Variants in NOX5 observed in about 807,000 individuals in gnomAD.
NOX5 encodes the protein NADPH oxidase, EF-hand calcium binding domain 5.
A neutral mutation model predicts 85.7 loss-of-function variants in NOX5; 76 were observed. The observed-to-expected ratio is 0.89, with a 90% CI of 0.74 to 1.07. The LOEUF (loss-of-function observed/expected upper bound fraction) is 1.07, where lower values mean the gene tolerates loss of function less well. NOX5 is among the 50% of genes least tolerant of loss of function. NOX5 has a pLI of 0.00. For synonymous variants in NOX5, 405 were observed against 401.4 expected, an observed-to-expected ratio of 1.01 and a Z score of -0.11; for missense variants, 973 against 999.5, an observed-to-expected ratio of 0.97 and a Z score of 0.36.
At chr15:69,041,000 G>A (rs184363356) in intron 9 of NOX5, among the ~76,000 whole-genome samples, 3 of 152,290 alleles carry the variant, frequency 2.0e-5, no homozygotes, top group Non-Finnish European at 4.4e-5. Flanking sequence ...AGTTCTTGAA[G>A]GGATTTCTTC....
intron 13 of NOX5, 110 bp downstream of exon 13, chr15:69,048,021 T>C (rs2050697668): frequency 1.1e-5 from 10 of 894,108 alleles, no homozygotes; most frequent in African/African-American, 1.7e-5. Flanking sequence ...TGATCCCTAA[T>C]GGGATCTTTC....
chr15:69,015,797 G>A (rs1295517141), intron 1 of NOX5, among the ~76,000 whole-genome samples: 1 of 151,782 alleles, frequency 6.6e-6, no homozygotes, highest in Non-Finnish European at 1.5e-5. Flanking sequence ...GAATGTCTTT[G>A]GGGGGGCAGT....
chr15:69,022,841 C>T (rs939916744), intron 1 of NOX5: 4 of 318,268 alleles, frequency 1.3e-5, no homozygotes, highest in Non-Finnish European at 2.5e-5. Flanking sequence ...TCATCTTGTT[C>T]CTGGATGAGC....
chr15:69,037,444 G>A (rs2050536780), intron 8 of NOX5: 2 of 533,290 alleles, frequency 3.8e-6, no homozygotes, highest in South Asian at 4.7e-5. Flanking sequence ...ATCCGATTTT[G>A]GGGAGAACAG....
At chr15:69,053,890 G>A (rs996905545) in intron 14 of NOX5, among the ~76,000 whole-genome samples, 1 of 152,138 alleles carries the variant, frequency 6.6e-6, no homozygotes, top group Non-Finnish European at 1.5e-5. Flanking sequence ...CATCCAGCAC[G>A]ACTAGGGGTT....
At chr15:69,016,315 C>T (rs779042051) in intron 1 of NOX5, among the ~76,000 whole-genome samples, 1 of 152,234 alleles carries the variant, frequency 6.6e-6, no homozygotes, top group Non-Finnish European at 1.5e-5. Flanking sequence ...CACCCCCCTC[C>T]TCCACAGTGA....
chr15:69,022,037 GGTTT>G (rs2050301592), intron 1 of NOX5, among the ~76,000 whole-genome samples: 2 of 152,110 alleles, frequency 1.3e-5, no homozygotes, highest in African/African-American at 4.8e-5. Flanking sequence ...GCTTCTTTAG[GGTTT>G]GTTTGGAAGG....
Position 69,056,627 on chromosome 15 carries a change from A to T in NOX5, c.2229A>T (p.Pro743=), listed in dbSNP as rs1374780912. The change falls in exon 16 of 16, where the codon CCA becomes CCT. Residue 743 remains proline (P), a synonymous_variant. Transcript: ENST00000388866. The stretch of plus-strand genomic sequence containing the variant: ...TGCAGGTCTTCTTCTGTGGCTCCCC[A>T]GCTCTGGCCAAGGTGCTGAAGGGCC... ...GKVQVFFCGS[P]ALAKVLKGHC... 6.2e-7 allele frequency: 1 copy of T among 1,613,782 alleles called. No homozygotes were observed. The highest frequency in any genetic ancestry group is 1.3e-5 in the African/African-American group (1 of 75,034).
intron 3 of NOX5, chr15:69,029,537 A>G (rs2050403104): frequency 6.6e-6 from 1 of 152,184 alleles, no homozygotes; most frequent in Non-Finnish European, 1.5e-5. Context: ...GCTGGATGAC[A>G]TGGTAATTCT....
At chr15:69,032,622 G>A (rs553381596) in intron 4 of NOX5, among the ~76,000 whole-genome samples, 2 of 152,140 alleles carry the variant, frequency 1.3e-5, no homozygotes, top group African/African-American at 2.4e-5. Context: ...TCTTGGCCAG[G>A]CTGGTCTCGA....
chr15:69,033,168 A>T lies in NOX5; in HGVS notation c.746A>T (p.His249Leu). 6.3e-7 allele frequency: 1 copy of T among 1,585,578 alleles called. No individual in the cohort carries two copies. Among genetic ancestry groups the T allele is most frequent in the African/African-American group, 1.3e-5 (1 of 74,746 alleles). The change falls in exon 5 of 16, where the codon CAC (histidine) becomes CTC (leucine). Residue 249 changes from histidine (H) to leucine (L), a missense_variant. Physicochemically the swap from His to Leu is moderately conservative, Grantham distance 99. Transcript: ENST00000388866. ...TGCCTGGCCACCTATGCAGGCCTCC[A>T]CGTGCTGCTCTTCGGGCTGGCGGCC... is the stretch of plus-strand genomic sequence containing the variant. ...LFCLATYAGL[H>L]VLLFGLAASA...
intron 8 of NOX5, chr15:69,037,414 G>A (rs990812778): frequency 8.6e-6 from 5 of 578,544 alleles, no homozygotes; most frequent in Non-Finnish European, 1.5e-5. Context: ...GAATGGCAGG[G>A]CAGGCAATAA....
chr15:69,049,025 CTG>C lies in NOX5; in HGVS notation c.1967_1968del (p.Leu656ArgfsTer28). ...GTGGTTTGTGAGCCTGCTGACTAAACTGGAGATGGACCAGGCCGAGGAGGCTC... is the reference window on the plus strand; with the variant it reads ...GTGGTTTGTGAGCCTGCTGACTAAACGAGATGGACCAGGCCGAGGAGGCTC... ...FEWFVSLLTK[L>X]EMDQAEEAQY... On this transcript the variant is annotated frameshift_variant, in exon 14 of 16. Transcript: ENST00000388866. LOFTEE classifies it high-confidence loss of function. 1 of 1,612,758 alleles carries C rather than the reference CTG, an allele frequency of 6.2e-7. No individual in the cohort carries two copies. The highest frequency in any genetic ancestry group is 8.5e-7 in the Non-Finnish European group (1 of 1,179,564).
At chr15:69,015,006 A>G (rs1430941578) in intron 1 of NOX5, among the ~76,000 whole-genome samples, 1 of 152,186 alleles carries the variant, frequency 6.6e-6, no homozygotes, top group Admixed American at 6.5e-5. Context: ...GAACTGGCCA[A>G]GTCAGTGTAA....
chr15:69,060,086 C>T lies in NOX5; in HGVS notation c.*3390C>T, dbSNP rs1427092777. On this transcript the variant is annotated 3_prime_UTR_variant, in exon 16 of 16. Coordinates refer to ENST00000388866, the MANE Select transcript of NOX5 (RefSeq NM_024505.4). Reference sequence around the variant, plus strand: ...AAGCACAAACACAAGCCCACTGAACCACTTTGCCAGGTGCCATTGCACTGT... The same window carrying T: ...AAGCACAAACACAAGCCCACTGAACTACTTTGCCAGGTGCCATTGCACTGT... The T allele has an allele frequency of 2.0e-5, 3 of 152,310 alleles. No individual in the cohort carries two copies. The highest frequency in any genetic ancestry group is 4.4e-5 in the Non-Finnish European group (3 of 68,078). 9.4% of individuals were successfully genotyped at this position (152,310 alleles called of 1,614,324 possible). A position where few individuals can be genotyped will look rare whatever the true frequency, so the allele number is the denominator to read the frequency against.
intron 3 of NOX5, chr15:69,031,103 A>G (rs2050422589): frequency 5.6e-6 from 1 of 177,110 alleles, no homozygotes; most frequent in African/African-American, 2.4e-5. Flanking sequence ...TGGAATGCCT[A>G]GCTGTGGCCC....
chr15:69,051,792 T>C (rs1366623830), intron 14 of NOX5, among the ~76,000 whole-genome samples: 1 of 152,076 alleles, frequency 6.6e-6, no homozygotes, highest in Non-Finnish European at 1.5e-5. Flanking sequence ...ATAAAAAGTT[T>C]AGAGAGTGAT....
At chr15:69,048,022 G>T (rs878951870) in intron 13 of NOX5, 111 bp downstream of exon 13, 1 of 882,004 alleles carries the variant, frequency 1.1e-6, no homozygotes. Context: ...GATCCCTAAT[G>T]GGATCTTTCT....
chr15:69,057,265 A>G lies in NOX5; in HGVS notation c.*569A>G, dbSNP rs1372841802. The G allele has an allele frequency of 6.6e-6, 1 of 152,102 alleles. No homozygotes were observed. The highest frequency in any genetic ancestry group is 2.4e-5 in the African/African-American group (1 of 41,360). 9.4% of individuals were successfully genotyped at this position (152,102 alleles called of 1,614,324 possible). ...TCAATTTATCTGATTTTTTGGATGC[A>G]TTTTCAAGTTAGGTGCAAATATCTC... On this transcript the variant is annotated 3_prime_UTR_variant, in exon 16 of 16. Transcript: ENST00000388866.
Sources: allele counts gnomAD v4.1 joint callset (sites outside exome capture counted in the v4.1 genomes callset), GRCh38; gene constraint gnomAD v4.1.1; transcripts MANE v1.5; gene names NCBI Gene and HGNC (gene_info 2026-07-23, HGNC 2026-07-21).